Variants in SLC44A1 observed in about 807,000 individuals in gnomAD.
SLC44A1 encodes the protein choline transporter-like protein 1.
SLC44A1 carries 26 observed loss-of-function variants against 79.3 expected under a neutral mutation model. That is an observed-to-expected ratio of 0.33 (90% CI 0.24 to 0.46). SLC44A1 has a LOEUF of 0.46. Ranked by LOEUF, SLC44A1 falls within the 20% of genes least tolerant of loss-of-function variation. The probability of loss-of-function intolerance (pLI) is 1.00; values close to 1 mark genes in which losing one functional copy is unlikely to be tolerated. For missense variants in SLC44A1, 688 were observed against 798.1 expected (o/e 0.86, Z 1.66); for synonymous variants, 263 against 286.2 (o/e 0.92, Z 0.82).
At chr9:105,406,320 T>C (rs1427718970) in intron 15 of SLC44A1, among the ~76,000 whole-genome samples, 2 of 151,936 alleles carry the variant, frequency 1.3e-5, no homozygotes, top group Admixed American at 1.3e-4. Context: ...CTACAAACCC[T>C]AGGGAGGAGG....
intron 3 of SLC44A1, among the ~76,000 whole-genome samples, chr9:105,319,320 A>C (rs1826310418): frequency 6.6e-6 from 1 of 152,180 alleles, no homozygotes; most frequent in Admixed American, 6.5e-5. Flanking sequence ...ATATAGAGTA[A>C]AATCAGCCAA....
At chr9:105,257,571 GAAAC>G (rs1419954714) in intron 1 of SLC44A1, among the ~76,000 whole-genome samples, 1 of 152,172 alleles carries the variant, frequency 6.6e-6, no homozygotes, top group Non-Finnish European at 1.5e-5. Flanking sequence ...TGCAAAGAGA[GAAAC>G]AAACATAAAT....
intron 1 of SLC44A1, among the ~76,000 whole-genome samples, chr9:105,261,400 A>G (rs1456064198): frequency 6.6e-6 from 1 of 152,108 alleles, no homozygotes; most frequent in Non-Finnish European, 1.5e-5. Flanking sequence ...CCATTTTCTC[A>G]GTGCCTGCCT....
chr9:105,412,260 A>G (rs1200009125), intron 15 of SLC44A1, among the ~76,000 whole-genome samples: 1 of 152,206 alleles, frequency 6.6e-6, no homozygotes, highest in Non-Finnish European at 1.5e-5. Context: ...ATAAATATCA[A>G]ATCCCAGATT....
intron 15 of SLC44A1, among the ~76,000 whole-genome samples, chr9:105,417,260 A>G (rs1829183809): frequency 6.6e-6 from 1 of 152,218 alleles, no homozygotes; most frequent in East Asian, 1.9e-4. Context: ...ATAATTTCAC[A>G]TGCTTTTAAA....
rs757563384 is a variant in SLC44A1 at position 105,389,184 on chromosome 9, C to T, written c.*128C>T. ...GTGTATATATGTATATGTATATACA[C>T]ACACACACATAAATCAGCCAAAATC... is the stretch of plus-strand genomic sequence containing the variant. On this transcript the variant is annotated 3_prime_UTR_variant, in exon 16 of 16. Coordinates refer to ENST00000374720, the MANE Select transcript of SLC44A1 (RefSeq NM_080546.5). The T allele has an allele frequency of 4.3e-6, 6 of 1,382,676 alleles. No individual in the cohort carries two copies. The highest frequency in any genetic ancestry group is 3.8e-5 in the South Asian group (2 of 52,520). 85.7% of individuals were successfully genotyped at this position (1,382,676 alleles called of 1,614,324 possible).
intron 15 of SLC44A1, among the ~76,000 whole-genome samples, chr9:105,436,702 T>C (rs1172616536): frequency 6.6e-6 from 1 of 152,214 alleles, no homozygotes; most frequent in African/African-American, 2.4e-5. Flanking sequence ...AGCAACAATT[T>C]AGGGATTTAT....
chr9:105,408,120 C>A (rs1448621173), intron 15 of SLC44A1, among the ~76,000 whole-genome samples: 1 of 152,124 alleles, frequency 6.6e-6, no homozygotes, highest in Non-Finnish European at 1.5e-5. Context: ...CGCCACTGCA[C>A]TCCAGCCTGG....
intron 15 of SLC44A1, among the ~76,000 whole-genome samples, chr9:105,433,528 T>A (rs1388477961): frequency 6.6e-6 from 1 of 152,010 alleles, no homozygotes; most frequent in Non-Finnish European, 1.5e-5. Context: ...TTAAGACAGA[T>A]CTTAAGGGAG....
chr9:105,354,132 G>T (rs1252681624), intron 5 of SLC44A1, among the ~76,000 whole-genome samples: 1 of 130,340 alleles, frequency 7.7e-6, no homozygotes. Flanking sequence ...CTCACTGCAA[G>T]CTCCGCCTCC....
intron 3 of SLC44A1, among the ~76,000 whole-genome samples, chr9:105,330,008 G>A (rs552964532): frequency 6.6e-6 from 1 of 152,122 alleles, no homozygotes; most frequent in Non-Finnish European, 1.5e-5. Context: ...TCTCTAGACT[G>A]TAACTTACTT....
At chr9:105,403,656 C>A (rs1291702986) in intron 15 of SLC44A1, among the ~76,000 whole-genome samples, 1 of 147,056 alleles carries the variant, frequency 6.8e-6, no homozygotes, top group Non-Finnish European at 1.5e-5. Context: ...GTGTGCCAGC[C>A]ACTCTAACAG....
Position 105,383,367 on chromosome 9 carries a change from C to T in SLC44A1, c.1869+8C>T, listed in dbSNP as rs773419821. Reference sequence around the variant, plus strand: ...ATGGATAAAGTGCTGATGGTAAGTACTTCAAATGCCGTTTCCTATTTTAGG... The same window carrying T: ...ATGGATAAAGTGCTGATGGTAAGTATTTCAAATGCCGTTTCCTATTTTAGG... On this transcript the variant is annotated splice_region_variant and intron_variant, in intron 14 of 15. Transcript: ENST00000374720. The T allele has an allele frequency of 1.2e-5, 17 of 1,440,648 alleles. No homozygotes were observed. In the South Asian group the frequency reaches 1.7e-4, roughly 15 times the overall value. 89.2% of individuals were successfully genotyped at this position (1,440,648 alleles called of 1,614,324 possible). A position where few individuals can be genotyped will look rare whatever the true frequency, so the allele number is the denominator to read the frequency against.
Position 105,429,391 on chromosome 9 carries a change from C to T in SLC44A1, c.1951-8890C>T, listed in dbSNP as rs117404709. Among the ~76,000 whole-genome samples, 947 of 152,312 alleles carry T rather than the reference C, an allele frequency of 6.2e-3. 22 individuals carry two copies. The East Asian group carries it at 0.068, about 11-fold the overall frequency. On this transcript the variant is annotated intron_variant, in intron 15 of 15. Transcript: ENST00000374724. Reference sequence around the variant, plus strand: ...GATCACAGCTCACCGCAACCTCCGCCTTCTTGGCTCAAGCCATCCTCCCAC... The same window carrying T: ...GATCACAGCTCACCGCAACCTCCGCTTTCTTGGCTCAAGCCATCCTCCCAC...
At chr9:105,383,462 T>A in intron 14 of SLC44A1, 103 bp downstream of exon 14, 1 of 707,420 alleles carries the variant, frequency 1.4e-6, no homozygotes, top group Non-Finnish European at 2.4e-6. Context: ...TGCAACTGAG[T>A]AATTTAGAAT....
intron 1 of SLC44A1, among the ~76,000 whole-genome samples, chr9:105,271,247 A>T (rs1043718370): frequency 6.6e-6 from 1 of 152,092 alleles, no homozygotes; most frequent in Admixed American, 6.5e-5. Flanking sequence ...AGGCTTGTTA[A>T]TTTTCTGTAT....
At chr9:105,259,506 C>T (rs1346763909) in intron 1 of SLC44A1, among the ~76,000 whole-genome samples, 3 of 152,172 alleles carry the variant, frequency 2.0e-5, no homozygotes, top group Non-Finnish European at 4.4e-5. Context: ...GCAGAGATTC[C>T]TACCATCAGA....
intron 5 of SLC44A1, among the ~76,000 whole-genome samples, chr9:105,351,580 G>GAGAGAAAGAGAGAA (rs1827420707): frequency 8.0e-6 from 1 of 124,900 alleles, no homozygotes; most frequent in Admixed American, 7.8e-5. Flanking sequence ...AAGAGAGAAA[G>GAGAGAAAGAGAGAA]AGAGAAAGAG....
rs138640900 is a variant in SLC44A1, at chr9:105,370,184, C to T, written c.1494+3755C>T. On this transcript the variant is annotated intron_variant, in intron 12 of 15. Transcript: ENST00000374720. ...TATCAGGGAAAGCCACAAAGGACTC[C>T]GAAATTCTTAAGAACTTAAGCAAGA... is the stretch of plus-strand genomic sequence containing the variant. Among the ~76,000 whole-genome samples, 179 of 152,210 alleles carry T rather than the reference C, an allele frequency of 1.2e-3. 1 individual carries two copies. Among genetic ancestry groups the T allele is most frequent in the Middle Eastern group, 0.01 (3 of 294 alleles).
Sources: allele counts gnomAD v4.1 joint callset (sites outside exome capture counted in the v4.1 genomes callset), GRCh38; gene constraint gnomAD v4.1.1; transcripts MANE v1.5; gene names NCBI Gene and HGNC (gene_info 2026-07-23, HGNC 2026-07-21).